The following PRKCA variants were observed in gnomAD, a reference collection of about 807,000 sequenced individuals.
The protein encoded by PRKCA is protein kinase C alpha type.
PRKCA carries 27 observed loss-of-function variants against 87.0 expected under a neutral mutation model. The ratio of observed to expected loss-of-function variants is 0.31; its 90% CI spans 0.23 to 0.43. The LOEUF (loss-of-function observed/expected upper bound fraction) is 0.43, where lower values mean the gene tolerates loss of function less well. Ranked by LOEUF, PRKCA falls within the 20% of genes least tolerant of loss-of-function variation. The probability of loss-of-function intolerance (pLI) is 1.00; values close to 1 mark genes in which losing one functional copy is unlikely to be tolerated. For missense variants in PRKCA, 518 were observed against 852.3 expected, an observed-to-expected ratio of 0.61 and a Z score of 4.88; for synonymous variants, 329 against 311.1, an observed-to-expected ratio of 1.06 and a Z score of -0.61.
At chr17:66,796,885 G>A (rs1386114075) in intron 16 of PRKCA, 13 of 985,264 alleles carry the variant, frequency 1.3e-5, no homozygotes, top group East Asian at 1.1e-4. Flanking sequence ...TTTGGTCATC[G>A]TAAGGGGTAG....
intron 3 of PRKCA, among the ~76,000 whole-genome samples, chr17:66,512,129 G>A (rs1029839587): frequency 6.6e-6 from 1 of 152,100 alleles, no homozygotes; most frequent in Non-Finnish European, 1.5e-5. Context: ...ACCCTCCACA[G>A]TAGCTAGTCT....
intron 8 of PRKCA, among the ~76,000 whole-genome samples, chr17:66,710,876 A>G (rs1455988366): frequency 1.4e-5 from 2 of 147,940 alleles, no homozygotes; most frequent in Non-Finnish European, 3.0e-5. Context: ...CCAAAAAACA[A>G]AAAAAAAAAT....
chr17:66,746,154 C>CTTTTTT, intron 13 of PRKCA, among the ~76,000 whole-genome samples: 1 of 64,210 alleles, frequency 1.6e-5, no homozygotes, highest in Non-Finnish European at 2.8e-5. Flanking sequence ...TGTTGCCTTG[C>CTTTTTT]TTTTTTTTTT....
intron 2 of PRKCA, among the ~76,000 whole-genome samples, chr17:66,442,823 A>G (rs1481162529): frequency 2.0e-5 from 3 of 152,182 alleles, no homozygotes; most frequent in Non-Finnish European, 2.9e-5. Context: ...CTTTTCTTAC[A>G]TACATGGACA....
chr17:66,518,400 G>A (rs367578487), intron 3 of PRKCA, among the ~76,000 whole-genome samples: 32 of 152,290 alleles, frequency 2.1e-4, no homozygotes, highest in East Asian at 1.7e-3. Context: ...CTCCTGTTTC[G>A]TAAGATATTC....
chr17:66,505,160 T>TGG (rs1333853093), intron 3 of PRKCA, among the ~76,000 whole-genome samples: 1 of 152,186 alleles, frequency 6.6e-6, no homozygotes. Context: ...AACAGAAGTA[T>TGG]TTCCTACAAG....
chr17:66,657,448 G>A (rs914637298), intron 5 of PRKCA, among the ~76,000 whole-genome samples: 3 of 152,190 alleles, frequency 2.0e-5, no homozygotes, highest in Admixed American at 6.5e-5. Flanking sequence ...GGTAGGGAAT[G>A]TAATCAAAAG....
At position 66,810,288 on chromosome 17, in the gene PRKCA, A is replaced by G. The variant is rs2144467554; in HGVS notation, c.*6251A>G. On this transcript the variant is annotated 3_prime_UTR_variant, in exon 17 of 17. Transcript: ENST00000413366. Reference sequence around the variant, plus strand: ...TTTCTTGAAGGGTTGGTTTACTAGAATATTCAAAATCAATCATGAAGGCAG... The same window carrying G: ...TTTCTTGAAGGGTTGGTTTACTAGAGTATTCAAAATCAATCATGAAGGCAG... 6.6e-6 allele frequency: 1 copy of G among 152,316 alleles called. No individual in the cohort carries two copies. Among genetic ancestry groups the G allele is most frequent in the African/African-American group, 2.4e-5 (1 of 41,568 alleles). The allele number at this position is 152,316 out of a possible 1,614,324, so 9.4% of individuals were successfully genotyped here. A position where few individuals can be genotyped will look rare whatever the true frequency, so the allele number is the denominator to read the frequency against.
intron 5 of PRKCA, among the ~76,000 whole-genome samples, chr17:66,668,006 G>A (rs556790446): frequency 2.0e-5 from 3 of 152,276 alleles, no homozygotes; most frequent in East Asian, 1.9e-4. Flanking sequence ...TCTGTTGCCC[G>A]TTAGCCCAGT....
At chr17:66,384,251 T>C (rs1026139353) in intron 2 of PRKCA, among the ~76,000 whole-genome samples, 1 of 152,182 alleles carries the variant, frequency 6.6e-6, no homozygotes. Flanking sequence ...TTTGATGTAC[T>C]GCTGGTCCTG....
chr17:66,314,605 A>G (rs1042903206), intron 2 of PRKCA, among the ~76,000 whole-genome samples: 2 of 152,174 alleles, frequency 1.3e-5, no homozygotes, highest in Non-Finnish European at 2.9e-5. Flanking sequence ...GCAATAGTAG[A>G]TCCATCTGTC....
intron 2 of PRKCA, among the ~76,000 whole-genome samples, chr17:66,370,883 A>G (rs1314688560): frequency 6.6e-6 from 1 of 152,172 alleles, no homozygotes; most frequent in Non-Finnish European, 1.5e-5. Context: ...TAAGCAGCAA[A>G]GCTAGGGTTC....
At chr17:66,741,553 T>C (rs1974159302) in intron 11 of PRKCA, 106 bp from the exon 12 acceptor site, 1 of 1,239,272 alleles carries the variant, frequency 8.1e-7, no homozygotes, top group Non-Finnish European at 1.2e-6. Context: ...TGAGAGCCTC[T>C]GGGTCTGACA....
intron 3 of PRKCA, among the ~76,000 whole-genome samples, chr17:66,541,826 G>C (rs1007271631): frequency 6.6e-6 from 1 of 152,196 alleles, no homozygotes; most frequent in Non-Finnish European, 1.5e-5. Flanking sequence ...AAACTCTTCT[G>C]AGTCTCTGAG....
chr17:66,460,994 C>T (rs1914823550), intron 2 of PRKCA, among the ~76,000 whole-genome samples: 1 of 151,934 alleles, frequency 6.6e-6, no homozygotes, highest in Admixed American at 6.6e-5. Context: ...TCATTTGAGC[C>T]CAGGAGTTGG....
At chr17:66,675,033 A>G (rs1457276929) in intron 5 of PRKCA, among the ~76,000 whole-genome samples, 1 of 152,214 alleles carries the variant, frequency 6.6e-6, no homozygotes, top group Non-Finnish European at 1.5e-5. Context: ...CCCAGCAAGC[A>G]CTTGCTCTCT....
chr17:66,793,425 A>C (rs928967700), intron 16 of PRKCA, among the ~76,000 whole-genome samples: 3 of 151,946 alleles, frequency 2.0e-5, no homozygotes, highest in Admixed American at 2.0e-4. Flanking sequence ...CCCCATCTCT[A>C]CTAAAAATAC....
In PRKCA at chr17:66,612,955, A is replaced by G. The variant is rs553434582; in HGVS notation, c.289-28400A>G. Reference sequence around the variant, plus strand: ...CATGTTTATTCATTTGATATTCTCAACATAAGTATTCTAAACTTGATTATG... The same window carrying G: ...CATGTTTATTCATTTGATATTCTCAGCATAAGTATTCTAAACTTGATTATG... On this transcript the variant is annotated intron_variant, in intron 3 of 16. Coordinates refer to ENST00000413366, the MANE Select transcript of PRKCA (RefSeq NM_002737.3). 2.6e-5 allele frequency among the ~76,000 whole-genome samples: 4 copies of G among 152,342 alleles called. No homozygotes were observed. In the South Asian group the frequency reaches 8.3e-4, roughly 32 times the overall value.
At chr17:66,580,273 C>T (rs1356759694) in intron 3 of PRKCA, among the ~76,000 whole-genome samples, 1 of 152,174 alleles carries the variant, frequency 6.6e-6, no homozygotes, top group African/African-American at 2.4e-5. Flanking sequence ...CATTACTCCC[C>T]TAGCTCCACA....
Sources: allele counts gnomAD v4.1 joint callset (sites outside exome capture counted in the v4.1 genomes callset), GRCh38; gene constraint gnomAD v4.1.1; transcripts MANE v1.5; gene names NCBI Gene and HGNC (gene_info 2026-07-23, HGNC 2026-07-21).